Variants in ERC2 observed in about 807,000 individuals in gnomAD.
ERC2 encodes the protein ELKS/RAB6-interacting/CAST family member 2.
A neutral mutation model predicts 114.8 loss-of-function variants in ERC2; 42 were observed. That is an observed-to-expected ratio of 0.37 (90% CI 0.29 to 0.47). The LOEUF (loss-of-function observed/expected upper bound fraction) is 0.47, where lower values mean the gene tolerates loss of function less well. ERC2 is among the 20% of genes least tolerant of loss of function. ERC2 has a pLI of 0.99. For synonymous variants in ERC2, 454 were observed against 425.5 expected (o/e 1.07, Z -0.82); for missense variants, 939 against 1,150.7 (o/e 0.82, Z 2.66).
chr3:55,688,202 C>G (rs2062436957), intron 16 of ERC2, among the ~76,000 whole-genome samples: 1 of 152,146 alleles, frequency 6.6e-6, no homozygotes, highest in African/African-American at 2.4e-5. Flanking sequence ...TAAGCGTTAG[C>G]TTATTTCTGA....
rs187571709 is a variant in ERC2 at position 56,288,703 on chromosome 3, C to T, written c.1074+7316G>A. On this transcript the variant is annotated intron_variant, in intron 3 of 17. Transcript: ENST00000288221. Reference sequence around the variant, plus strand: ...ATGCACTGTCAGATTACAGAGAGAGCGCTTTTCTGGAAAGATGCTTCATTG... The same window carrying T: ...ATGCACTGTCAGATTACAGAGAGAGTGCTTTTCTGGAAAGATGCTTCATTG... Among the ~76,000 whole-genome samples the T allele has an allele frequency of 3.3e-4, 51 of 152,282 alleles. No individual in the cohort carries two copies. The East Asian group carries it at 7.9e-3, about 24-fold the overall frequency.
intron 6 of ERC2, among the ~76,000 whole-genome samples, chr3:56,089,147 C>T (rs563310175): frequency 1.9e-4 from 29 of 152,240 alleles, no homozygotes; most frequent in Non-Finnish European, 3.5e-4. Context: ...GGAATAAGTC[C>T]TCCAGAGTTA....
chr3:55,649,964 G>A (rs79078216), intron 17 of ERC2, among the ~76,000 whole-genome samples: 8 of 152,336 alleles, frequency 5.3e-5, no homozygotes, highest in African/African-American at 1.4e-4. Flanking sequence ...CCGGCAGGGA[G>A]GGGCACAAGG....
intron 7 of ERC2, among the ~76,000 whole-genome samples, chr3:56,031,149 C>T (rs1027143387): frequency 6.6e-6 from 1 of 152,150 alleles, no homozygotes; most frequent in African/African-American, 2.4e-5. Context: ...CAGGCCTGCC[C>T]CAGCCCAGGT....
chr3:55,572,279 T>C (rs1421813617), intron 17 of ERC2, among the ~76,000 whole-genome samples: 8 of 152,144 alleles, frequency 5.3e-5, no homozygotes, highest in Admixed American at 5.2e-4. Context: ...TTCACCTCGG[T>C]CCCTGGGCCA....
intron 12 of ERC2, among the ~76,000 whole-genome samples, chr3:55,971,533 A>C (rs1383971498): frequency 6.6e-6 from 1 of 152,194 alleles, no homozygotes; most frequent in Non-Finnish European, 1.5e-5. Flanking sequence ...ATCTTTAAAA[A>C]TACAGTGGAC....
intron 3 of ERC2, among the ~76,000 whole-genome samples, chr3:56,244,349 A>G (rs536097298): frequency 6.6e-6 from 1 of 152,312 alleles, no homozygotes; most frequent in African/African-American, 2.4e-5. Context: ...TCTATTTACT[A>G]TATTATACTT....
chr3:56,215,374 C>T (rs901133132), intron 3 of ERC2, among the ~76,000 whole-genome samples: 4 of 152,098 alleles, frequency 2.6e-5, no homozygotes, highest in Non-Finnish European at 5.9e-5. Flanking sequence ...TTTAAACCAA[C>T]AAAGATCAAA....
intron 6 of ERC2, among the ~76,000 whole-genome samples, chr3:56,084,678 G>A (rs538145001): frequency 7.9e-5 from 12 of 152,084 alleles, no homozygotes; most frequent in South Asian, 4.2e-4. Context: ...ATGTGAAGTC[G>A]TATAATGGAC....
chr3:56,146,241 C>T (rs1479301204), intron 5 of ERC2, among the ~76,000 whole-genome samples: 4 of 152,050 alleles, frequency 2.6e-5, no homozygotes, highest in African/African-American at 7.2e-5. Context: ...GAGCCGAGAT[C>T]GCACCACTGC....
At chr3:55,893,155 A>G (rs2063691153) in intron 13 of ERC2, among the ~76,000 whole-genome samples, 1 of 152,212 alleles carries the variant, frequency 6.6e-6, no homozygotes, top group Non-Finnish European at 1.5e-5. Flanking sequence ...CCCAGCCTCC[A>G]GAATGTGAGA....
intron 10 of ERC2, among the ~76,000 whole-genome samples, chr3:56,003,368 G>A (rs1343928493): frequency 6.6e-6 from 1 of 152,144 alleles, no homozygotes; most frequent in Non-Finnish European, 1.5e-5. Flanking sequence ...TGTAAGGTTT[G>A]TGTTACTTTC....
chr3:56,404,568 G>C (rs1055449329), intron 2 of ERC2, among the ~76,000 whole-genome samples: 3 of 152,156 alleles, frequency 2.0e-5, no homozygotes, highest in Admixed American at 1.3e-4. Context: ...AAATAGCTAA[G>C]AGTATAATTA....
At chr3:56,326,920 C>A (rs192092621) in intron 2 of ERC2, among the ~76,000 whole-genome samples, 1 of 152,224 alleles carries the variant, frequency 6.6e-6, no homozygotes, top group Admixed American at 6.5e-5. Flanking sequence ...CTCTGGGGAT[C>A]CCTGGCCCAT....
chr3:55,887,485 C>T (rs190533186), intron 14 of ERC2, among the ~76,000 whole-genome samples: 14 of 152,110 alleles, frequency 9.2e-5, no homozygotes, highest in African/African-American at 3.1e-4. Context: ...CTTAAGATGC[C>T]GTAATTATGT....
At chr3:56,153,572 A>T (rs1489480733) in intron 4 of ERC2, among the ~76,000 whole-genome samples, 1 of 152,166 alleles carries the variant, frequency 6.6e-6, no homozygotes, top group Non-Finnish European at 1.5e-5. Flanking sequence ...CATTAAGTGT[A>T]CAGCAACCCT....
chr3:55,620,309 T>C (rs2059274399), intron 17 of ERC2, among the ~76,000 whole-genome samples: 1 of 152,242 alleles, frequency 6.6e-6, no homozygotes, highest in South Asian at 2.1e-4. Context: ...AAATGAATCA[T>C]ATTTTAAAAA....
intron 14 of ERC2, among the ~76,000 whole-genome samples, chr3:55,793,016 C>A (rs2070176130): frequency 6.6e-6 from 1 of 152,112 alleles, no homozygotes; most frequent in Non-Finnish European, 1.5e-5. Flanking sequence ...TAGATTGGTC[C>A]AAATAGCAAT....
intron 2 of ERC2, among the ~76,000 whole-genome samples, chr3:56,352,074 G>A (rs916180833): frequency 1.3e-5 from 2 of 152,102 alleles, no homozygotes; most frequent in African/African-American, 4.8e-5. Flanking sequence ...GCCACAATGA[G>A]ATCTTTACAT....
Sources: allele counts gnomAD v4.1 joint callset (sites outside exome capture counted in the v4.1 genomes callset), GRCh38; gene constraint gnomAD v4.1.1; transcripts MANE v1.5; gene names NCBI Gene and HGNC (gene_info 2026-07-23, HGNC 2026-07-21).